UEVLD: variants seen among roughly 807,000 people sequenced by gnomAD.
The protein encoded by UEVLD is ubiquitin-conjugating enzyme E2 variant 3.
Under a neutral mutation model 58.6 loss-of-function variants are expected in UEVLD, and 47 were observed. The ratio of observed to expected loss-of-function variants is 0.80; its 90% CI spans 0.63 to 1.02. UEVLD has a LOEUF of 1.02. Among genes scored for constraint, UEVLD ranks in the 50% least tolerant of loss-of-function variants. The pLI is 0.00. For synonymous variants in UEVLD, 197 were observed against 195.3 expected, an observed-to-expected ratio of 1.01 and a Z score of -0.07; for missense variants, 510 against 550.6, an observed-to-expected ratio of 0.93 and a Z score of 0.74.
chr11:18,575,660 G>A (rs1013704398), intron 2 of UEVLD, among the ~76,000 whole-genome samples: 3 of 152,088 alleles, frequency 2.0e-5, no homozygotes. Flanking sequence ...CAAGTTCTAG[G>A]GCCACCTTCC....
intron 2 of UEVLD, among the ~76,000 whole-genome samples, chr11:18,577,871 CAAAA>C (rs550091645): frequency 1.5e-5 from 1 of 66,778 alleles, no homozygotes. Flanking sequence ...GACTCCATCT[CAAAA>C]AAAAAAAAAA....
At chr11:18,568,152 A>T (rs1852392316) in intron 4 of UEVLD, among the ~76,000 whole-genome samples, 1 of 152,238 alleles carries the variant, frequency 6.6e-6, no homozygotes, top group African/African-American at 2.4e-5. Flanking sequence ...TCTCAAAAAA[A>T]GAGACTAGTT....
chr11:18,563,338 C>G (rs1852136378), intron 6 of UEVLD, among the ~76,000 whole-genome samples: 1 of 152,174 alleles, frequency 6.6e-6, no homozygotes, highest in Admixed American at 6.5e-5. Context: ...TGCTTGTACT[C>G]CCAGCACTTT....
intron 7 of UEVLD, among the ~76,000 whole-genome samples, chr11:18,557,849 A>C (rs1312350583): frequency 6.6e-6 from 1 of 152,218 alleles, no homozygotes; most frequent in Admixed American, 6.5e-5. Flanking sequence ...AAATGTCAGC[A>C]CTATTATGGC....
intron 3 of UEVLD, 138 bp from the exon 4 acceptor site, chr11:18,570,515 G>C (rs911819714): frequency 2.7e-6 from 2 of 746,534 alleles, no homozygotes; most frequent in Non-Finnish European, 3.9e-6. Flanking sequence ...GGATGCTGAG[G>C]TGAGCAGATT....
At chr11:18,549,822 T>A (rs1303962343) in intron 7 of UEVLD, among the ~76,000 whole-genome samples, 1 of 152,020 alleles carries the variant, frequency 6.6e-6, no homozygotes, top group Non-Finnish European at 1.5e-5. Flanking sequence ...ATTTTTTATT[T>A]ATTTAATTTT....
In UEVLD at chr11:18,531,420, A is replaced by G. The variant is rs1850555707; in HGVS notation, c.*900T>C. 1 of 152,204 alleles carries G rather than the reference A, an allele frequency of 6.6e-6. No homozygotes were observed. The highest frequency in any genetic ancestry group is 1.5e-5 in the Non-Finnish European group (1 of 68,028). 9.4% of individuals were successfully genotyped at this position (152,204 alleles called of 1,614,324 possible). A position where few individuals can be genotyped will look rare whatever the true frequency, so the allele number is the denominator to read the frequency against. Reference sequence around the variant, plus strand: ...AAGAAAATATTGCTCTTGATCCATCACCAAAGTGTGTGTACTCTGAACTGT... The same window carrying G: ...AAGAAAATATTGCTCTTGATCCATCGCCAAAGTGTGTGTACTCTGAACTGT... On this transcript the variant is annotated 3_prime_UTR_variant, in exon 12 of 12. Transcript: ENST00000396197.
At chr11:18,577,330 T>G (rs1248939200) in intron 2 of UEVLD, among the ~76,000 whole-genome samples, 1 of 152,270 alleles carries the variant, frequency 6.6e-6, no homozygotes, top group Non-Finnish European at 1.5e-5. Flanking sequence ...AGCATTGCTT[T>G]CTAAAGCAAA....
chr11:18,533,691 CT>C (rs1385843339), intron 11 of UEVLD, among the ~76,000 whole-genome samples: 2 of 152,128 alleles, frequency 1.3e-5, no homozygotes, highest in Non-Finnish European at 2.9e-5. Context: ...GAAGTCCACA[CT>C]TTTTTTGTTT....
At position 18,532,503 on chromosome 11, in the gene UEVLD, T is replaced by C. The variant is rs113409141; in HGVS notation, c.1249-16A>G. 13,422 of 1,574,746 alleles carry C rather than the reference T, an allele frequency of 8.5e-3. 84 individuals are homozygous for C. Among genetic ancestry groups the C allele is most frequent in the Non-Finnish European group, 0.01 (11,788 of 1,158,312 alleles). On this transcript the variant is annotated splice_polypyrimidine_tract_variant and intron_variant, in intron 11 of 11. Transcript: ENST00000396197. ...CATAATATCCCTGAAATGAGAAAAA[T>C]AGGGATTTAATAGAACTAAATCATT... is the stretch of plus-strand genomic sequence containing the variant.
At chr11:18,560,707 A>T (rs181821912) in intron 6 of UEVLD, among the ~76,000 whole-genome samples, 41 of 152,196 alleles carry the variant, frequency 2.7e-4, no homozygotes, top group Admixed American at 2.2e-3. Context: ...ATCACCAGGG[A>T]TTTTATTAAA....
chr11:18,583,384 C>T (rs1565146321), intron 1 of UEVLD, among the ~76,000 whole-genome samples: 3 of 151,400 alleles, frequency 2.0e-5, no homozygotes, highest in African/African-American at 7.3e-5. Flanking sequence ...CCATGTCTGG[C>T]TTTTTTGTGT....
At chr11:18,570,423 A>C in intron 3 of UEVLD, 46 bp from the exon 4 acceptor site, 1 of 1,472,696 alleles carries the variant, frequency 6.8e-7, no homozygotes, top group Non-Finnish European at 9.0e-7. Flanking sequence ...AATAAAGCAC[A>C]CACATTATGA....
chr11:18,534,297 A>C, intron 11 of UEVLD, 33 bp downstream of exon 11: 6 of 1,423,800 alleles, frequency 4.2e-6, no homozygotes, highest in Non-Finnish European at 5.6e-6. Context: ...ATCTAAGTTT[A>C]AAATATAATA....
At chr11:18,570,530 G>A in intron 3 of UEVLD, 153 bp from the exon 4 acceptor site, 1 of 611,524 alleles carries the variant, frequency 1.6e-6, no homozygotes, top group Non-Finnish European at 2.5e-6. Flanking sequence ...CAGATTGCAT[G>A]AGCCCAGGAG....
intron 3 of UEVLD, among the ~76,000 whole-genome samples, chr11:18,574,018 G>A (rs1411099878): frequency 2.6e-5 from 4 of 152,078 alleles, no homozygotes; most frequent in Non-Finnish European, 5.9e-5. Flanking sequence ...TTATTCCTAA[G>A]CCCTTCAGTC....
intron 11 of UEVLD, among the ~76,000 whole-genome samples, chr11:18,532,944 C>T (rs977232719): frequency 6.6e-6 from 1 of 152,110 alleles, no homozygotes; most frequent in Admixed American, 6.6e-5. Flanking sequence ...ATGCATATAA[C>T]ATGTAATGAT....
At chr11:18,581,024 T>C (rs1029669019) in intron 1 of UEVLD, among the ~76,000 whole-genome samples, 1 of 151,988 alleles carries the variant, frequency 6.6e-6, no homozygotes, top group Admixed American at 6.6e-5. Context: ...TAGCCGGGCA[T>C]GGTGGCAGGC....
At chr11:18,545,045 T>G (rs1203630812) in intron 8 of UEVLD, among the ~76,000 whole-genome samples, 3 of 15,798 alleles carry the variant, frequency 1.9e-4, no homozygotes, top group Non-Finnish European at 4.5e-4. Flanking sequence ...TGTATATCTA[T>G]CTATATCTAT....
Sources: allele counts gnomAD v4.1 joint callset (sites outside exome capture counted in the v4.1 genomes callset), GRCh38; gene constraint gnomAD v4.1.1; transcripts MANE v1.5; gene names NCBI Gene and HGNC (gene_info 2026-07-23, HGNC 2026-07-21).